Variants in MTDH observed in about 807,000 individuals in gnomAD.
MTDH encodes the protein metadherin, also known as protein LYRIC.
A neutral mutation model predicts 72.7 loss-of-function variants in MTDH; 34 were observed. The observed-to-expected ratio is 0.47, with a 90% CI of 0.36 to 0.62. MTDH has a LOEUF of 0.62. MTDH is among the 20% of genes least tolerant of loss of function. The probability of loss-of-function intolerance (pLI) is 0.00; values close to 1 mark genes in which losing one functional copy is unlikely to be tolerated. For missense variants in MTDH, 677 were observed against 699.4 expected (o/e 0.97, Z 0.36); for synonymous variants, 266 against 268.9 (o/e 0.99, Z 0.10).
chr8:97,696,347 G>C (rs932785106), intron 6 of MTDH: 4 of 868,618 alleles, frequency 4.6e-6, no homozygotes, highest in Admixed American at 6.2e-5. Flanking sequence ...TTTAATTTTA[G>C]TGCTTGTTAT....
intron 9 of MTDH, among the ~76,000 whole-genome samples, chr8:97,718,263 G>A (rs942613018): frequency 2.6e-5 from 4 of 151,492 alleles, no homozygotes; most frequent in African/African-American, 4.9e-5. Flanking sequence ...GGCTGGTCTC[G>A]AACTCCTGAC....
At chr8:97,649,077 G>A (rs1248567896) in intron 1 of MTDH, among the ~76,000 whole-genome samples, 1 of 152,090 alleles carries the variant, frequency 6.6e-6, no homozygotes, top group African/African-American at 2.4e-5. Context: ...TTGTGTTACA[G>A]TTGCCACAGT....
chr8:97,649,460 A>G (rs925539565), intron 1 of MTDH, among the ~76,000 whole-genome samples: 2 of 152,328 alleles, frequency 1.3e-5, no homozygotes, highest in Non-Finnish European at 2.9e-5. Flanking sequence ...CCTGTTGAAT[A>G]AAATGCAAAA....
At chr8:97,705,137 A>G (rs1360295825) in intron 7 of MTDH, among the ~76,000 whole-genome samples, 11 of 143,620 alleles carry the variant, frequency 7.7e-5, no homozygotes, top group South Asian at 4.4e-4. Context: ...TTTCTACTAA[A>G]AATACAAAAA....
At chr8:97,696,954 A>G (rs1463474099) in intron 6 of MTDH, among the ~76,000 whole-genome samples, 3 of 150,430 alleles carry the variant, frequency 2.0e-5, no homozygotes, top group African/African-American at 7.4e-5. Context: ...CATAAAGTTA[A>G]AGAAAAATTA....
intron 7 of MTDH, among the ~76,000 whole-genome samples, chr8:97,702,949 G>T (rs1344438480): frequency 1.3e-5 from 2 of 152,204 alleles, no homozygotes; most frequent in Non-Finnish European, 2.9e-5. Flanking sequence ...AAAAGACATT[G>T]GCAGACTAAT....
chr8:97,672,462 G>A (rs1811928279), intron 2 of MTDH, among the ~76,000 whole-genome samples: 1 of 152,144 alleles, frequency 6.6e-6, no homozygotes, highest in Admixed American at 6.5e-5. Context: ...TCCCACCCAA[G>A]GAATTAGTTT....
chr8:97,657,649 G>C (rs1055921586), intron 1 of MTDH, among the ~76,000 whole-genome samples: 1 of 151,938 alleles, frequency 6.6e-6, no homozygotes, highest in Non-Finnish European at 1.5e-5. Context: ...GACTACAGGG[G>C]CATGCCACCA....
intron 1 of MTDH, among the ~76,000 whole-genome samples, 165 bp downstream of exon 1, chr8:97,645,052 T>C (rs1026260221): frequency 2.6e-5 from 4 of 151,990 alleles, no homozygotes; most frequent in African/African-American, 9.7e-5. Flanking sequence ...GTCATGTTAT[T>C]TGGGGAATGG....
chr8:97,666,277 T>C (rs553246595), intron 2 of MTDH, among the ~76,000 whole-genome samples: 11 of 152,358 alleles, frequency 7.2e-5, no homozygotes, highest in African/African-American at 2.2e-4. Flanking sequence ...ATATCATTTA[T>C]TACAAGTATT....
rs949066568 is a variant in MTDH at position 97,693,327 on chromosome 8, C to G, written c.1048+2139C>G. 1.4e-4 allele frequency among the ~76,000 whole-genome samples: 21 copies of G among 151,904 alleles called. 1 individual carries two copies. The highest frequency in any genetic ancestry group is 2.1e-4 in the Non-Finnish European group (14 of 67,956). On this transcript the variant is annotated intron_variant, in intron 6 of 11. Transcript: ENST00000336273. ...TTTTCCACAACTTTCTTGGTCATTT[C>G]TTTTTTTGTTTGCTTGTTTGTTTGT...
intron 9 of MTDH, among the ~76,000 whole-genome samples, chr8:97,717,580 C>T (rs16896126): frequency 0.032 from 4,790 of 151,310 alleles, 272 homozygotes; most frequent in African/African-American, 0.11. Flanking sequence ...AGCCTGTCTG[C>T]GTTTGTTAGT....
At chr8:97,646,239 G>A (rs1811559329) in intron 1 of MTDH, among the ~76,000 whole-genome samples, 1 of 152,146 alleles carries the variant, frequency 6.6e-6, no homozygotes. Context: ...GCATTATGAG[G>A]CCTGGATAGG....
At chr8:97,705,876 C>T (rs1234443788) in intron 7 of MTDH, among the ~76,000 whole-genome samples, 1 of 152,166 alleles carries the variant, frequency 6.6e-6, no homozygotes, top group Non-Finnish European at 1.5e-5. Flanking sequence ...AGACTGGTTT[C>T]TCCTTTTAGA....
chr8:97,715,338 G>A (rs1465228094), intron 9 of MTDH, among the ~76,000 whole-genome samples: 1 of 151,586 alleles, frequency 6.6e-6, no homozygotes, highest in Non-Finnish European at 1.5e-5. Context: ...ATGTTGGCCA[G>A]GCTGGTCTCA....
chr8:97,721,904 A>G (rs1815145228), intron 10 of MTDH, among the ~76,000 whole-genome samples: 1 of 152,220 alleles, frequency 6.6e-6, no homozygotes, highest in Admixed American at 6.5e-5. Flanking sequence ...TTGAGTCAGT[A>G]GGACTGGTAA....
At chr8:97,717,933 A>C (rs888713694) in intron 9 of MTDH, among the ~76,000 whole-genome samples, 9 of 152,160 alleles carry the variant, frequency 5.9e-5, no homozygotes, top group African/African-American at 2.2e-4. Context: ...TATTTTTAGT[A>C]GAAACAGGGT....
intron 6 of MTDH, among the ~76,000 whole-genome samples, chr8:97,692,222 A>T (rs935880322): frequency 6.6e-6 from 1 of 152,174 alleles, no homozygotes; most frequent in Non-Finnish European, 1.5e-5. Flanking sequence ...ATGTAATTCA[A>T]GTTGAATATG....
At chr8:97,685,734 TG>T (rs1813333627) in intron 2 of MTDH, among the ~76,000 whole-genome samples, 1 of 150,612 alleles carries the variant, frequency 6.6e-6, no homozygotes, top group African/African-American at 2.4e-5. Flanking sequence ...CACTCCAGCC[TG>T]GGTGACAGAG....
Sources: allele counts gnomAD v4.1 joint callset (sites outside exome capture counted in the v4.1 genomes callset), GRCh38; gene constraint gnomAD v4.1.1; transcripts MANE v1.5; gene names NCBI Gene and HGNC (gene_info 2026-07-23, HGNC 2026-07-21).